The following NKAIN1 variants were observed in gnomAD, a reference collection of about 807,000 sequenced individuals.
The protein encoded by NKAIN1 is sodium/potassium transporting ATPase interacting 1.
In NKAIN1, 13 loss-of-function variants were observed where a neutral mutation model predicts 31.6. The observed-to-expected ratio is 0.41, with a 90% CI of 0.27 to 0.65. The LOEUF (loss-of-function observed/expected upper bound fraction) is 0.65, where lower values mean the gene tolerates loss of function less well. Among genes scored for constraint, NKAIN1 ranks in the 30% least tolerant of loss-of-function variants. The probability of loss-of-function intolerance (pLI) is 0.30; values close to 1 mark genes in which losing one functional copy is unlikely to be tolerated. For synonymous variants in NKAIN1, 104 were observed against 109.0 expected, an observed-to-expected ratio of 0.95 and a Z score of 0.28; for missense variants, 193 against 262.2, an observed-to-expected ratio of 0.74 and a Z score of 1.82.
At chr1:31,186,170 C>G (rs568582670) in intron 2 of NKAIN1, among the ~76,000 whole-genome samples, 3 of 151,864 alleles carry the variant, frequency 2.0e-5, no homozygotes, top group African/African-American at 7.2e-5. Context: ...TGAGACCAGC[C>G]TGACCAACAT....
chr1:31,197,204 C>T (rs1475262747), intron 1 of NKAIN1, among the ~76,000 whole-genome samples: 1 of 151,130 alleles, frequency 6.6e-6, no homozygotes, highest in Non-Finnish European at 1.5e-5. Flanking sequence ...CTCTGCCTCC[C>T]AGGTTCACGC....
chr1:31,183,762 G>T, intron 4 of NKAIN1, 55 bp downstream of exon 4: 1 of 1,548,314 alleles, frequency 6.5e-7, no homozygotes, highest in Non-Finnish European at 8.8e-7. Context: ...CCCTCAACCA[G>T]AGCTAAAGAA....
At chr1:31,223,031 C>A (rs1269683277) in intron 1 of NKAIN1, among the ~76,000 whole-genome samples, 3 of 152,162 alleles carry the variant, frequency 2.0e-5, no homozygotes, top group African/African-American at 2.4e-5. Flanking sequence ...GGCGGCTACT[C>A]CTTGATGCTG....
intron 4 of NKAIN1, among the ~76,000 whole-genome samples, chr1:31,183,420 C>G (rs892588266): frequency 7.1e-6 from 1 of 141,580 alleles, no homozygotes; most frequent in African/African-American, 2.7e-5. Flanking sequence ...AGGCGGAAGA[C>G]CTAGGTTCAT....
At chr1:31,213,134 AAAAG>A (rs1252528653) in intron 1 of NKAIN1, among the ~76,000 whole-genome samples, 14 of 151,656 alleles carry the variant, frequency 9.2e-5, no homozygotes, top group African/African-American at 3.1e-4. Context: ...GATACAAAAA[AAAAG>A]AAAGTGAGAA....
At position 31,206,980 on chromosome 1, in the gene NKAIN1, A is replaced by T. The variant is rs554767340; in HGVS notation, c.55-18793T>A. On this transcript the variant is annotated intron_variant, in intron 1 of 6. Coordinates refer to ENST00000373736, the MANE Select transcript of NKAIN1 (RefSeq NM_024522.3). Reference sequence around the variant, plus strand: ...GAATTCCCAACCTCAAGTGATCCGCACGCCTCAGCCTCCCAAAGTGCTGGG... The same window carrying T: ...GAATTCCCAACCTCAAGTGATCCGCTCGCCTCAGCCTCCCAAAGTGCTGGG... Among the ~76,000 whole-genome samples, 4 of 151,966 alleles carry T rather than the reference A, an allele frequency of 2.6e-5. No homozygotes were observed. The South Asian group carries it at 8.3e-4, about 32-fold the overall frequency.
intron 1 of NKAIN1, among the ~76,000 whole-genome samples, chr1:31,237,758 A>G (rs1645702933): frequency 6.6e-6 from 1 of 152,080 alleles, no homozygotes; most frequent in Non-Finnish European, 1.5e-5. Flanking sequence ...GCCCTCCCAA[A>G]GTGCTGGGGT....
chr1:31,211,217 A>G (rs1645466436), intron 1 of NKAIN1, among the ~76,000 whole-genome samples: 1 of 152,232 alleles, frequency 6.6e-6, no homozygotes, highest in African/African-American at 2.4e-5. Flanking sequence ...AAGTAAAACT[A>G]TTTGCTAATT....
intron 1 of NKAIN1, among the ~76,000 whole-genome samples, chr1:31,200,602 C>T (rs1645373028): frequency 1.3e-5 from 2 of 151,432 alleles, no homozygotes; most frequent in Admixed American, 1.3e-4. Flanking sequence ...GGACTACAGG[C>T]AGCTGCCACC....
chr1:31,239,476 T>C lies in NKAIN1; in HGVS notation c.54+18A>G. On this transcript the variant is annotated intron_variant, in intron 1 of 6. Transcript: ENST00000373736. This position sits in a 1 kb window ranked among gnomAD's most constrained non-coding sequence, Gnocchi z 4.8. ...CGCGCCCCACCCTGCCCCGACTGCCTGGGCACGCGACGCTTACCAGCTGCA... is the reference window on the plus strand; with the variant it reads ...CGCGCCCCACCCTGCCCCGACTGCCCGGGCACGCGACGCTTACCAGCTGCA... The C allele has an allele frequency of 6.9e-7, 1 of 1,440,248 alleles. No homozygotes were observed. Among genetic ancestry groups the C allele is most frequent in the Non-Finnish European group, 9.1e-7 (1 of 1,101,624 alleles). The allele number at this position is 1,440,248 out of a possible 1,614,324, so 89.2% of individuals were successfully genotyped here. A position where few individuals can be genotyped will look rare whatever the true frequency, so the allele number is the denominator to read the frequency against.
intron 5 of NKAIN1, 142 bp downstream of exon 5, chr1:31,182,388 C>G: frequency 3.5e-6 from 3 of 863,200 alleles, no homozygotes; most frequent in Non-Finnish European, 5.6e-6. Context: ...GCAGAGCCTT[C>G]CATACCAGCC....
chr1:31,222,156 C>T (rs1407017916), intron 1 of NKAIN1, among the ~76,000 whole-genome samples: 3 of 152,176 alleles, frequency 2.0e-5, no homozygotes, highest in African/African-American at 4.8e-5. Context: ...GGATTACAGG[C>T]GTGAGCCACT....
chr1:31,184,928 T>C (rs1470104856), intron 3 of NKAIN1, among the ~76,000 whole-genome samples: 1 of 152,206 alleles, frequency 6.6e-6, no homozygotes, highest in Admixed American at 6.5e-5. Flanking sequence ...CTGAATACTC[T>C]ACCTCTATTA....
intron 3 of NKAIN1, among the ~76,000 whole-genome samples, chr1:31,184,349 C>T (rs551820830): frequency 8.5e-5 from 13 of 152,104 alleles, no homozygotes; most frequent in Non-Finnish European, 1.3e-4. Flanking sequence ...CGACCCTGGG[C>T]GAACCTCTCC....
At chr1:31,223,477 G>T (rs988810118) in intron 1 of NKAIN1, among the ~76,000 whole-genome samples, 1 of 151,806 alleles carries the variant, frequency 6.6e-6, no homozygotes. Flanking sequence ...GTCTCGCTCT[G>T]TCGCCCAGGC....
At chr1:31,213,042 G>T (rs78267241) in intron 1 of NKAIN1, among the ~76,000 whole-genome samples, 4 of 135,634 alleles carry the variant, frequency 2.9e-5, no homozygotes, top group Non-Finnish European at 4.8e-5. Context: ...TTTTTCTTTT[G>T]TTTTTTTTTT....
chr1:31,214,876 GGCCGTCAT>G (rs1432570555), intron 1 of NKAIN1, among the ~76,000 whole-genome samples: 1 of 152,222 alleles, frequency 6.6e-6, no homozygotes. Context: ...GGGCTGGAGG[GGCCGTCAT>G]GCCCTGTGGC....
chr1:31,216,690 T>TTTTA (rs35212874), intron 1 of NKAIN1, among the ~76,000 whole-genome samples: 7,536 of 140,296 alleles, frequency 0.054, 195 homozygotes, highest in African/African-American at 0.06. Context: ...TGGCATTGAC[T>TTTTA]TTTATTTATT....
intron 1 of NKAIN1, among the ~76,000 whole-genome samples, chr1:31,197,583 G>A (rs1164602264): frequency 4.3e-5 from 5 of 117,334 alleles, no homozygotes; most frequent in African/African-American, 9.6e-5. Flanking sequence ...GTCCAGCTTC[G>A]TCGCCCAGGT....
Sources: gnomAD v4.1 joint callset for allele counts (sites outside exome capture counted in the v4.1 genomes callset) on GRCh38, gnomAD v4.1.1 for gene constraint, Gnocchi (gnomAD v3.1) non-coding constraint, MANE v1.5 for transcripts, NCBI Gene and HGNC (gene_info 2026-07-23, HGNC 2026-07-21) for gene names.